The following MCUR1 variants were observed in gnomAD, a reference collection of about 807,000 sequenced individuals.
MCUR1 encodes mitochondrial calcium uniporter regulator 1, also known as MCU regulator 1.
MCUR1 carries 37 observed loss-of-function variants against 42.0 expected under a neutral mutation model. That is an observed-to-expected ratio of 0.88 (90% CI 0.68 to 1.16). The LOEUF is 1.16. Among genes scored for constraint, MCUR1 ranks in the 50% most tolerant of loss-of-function variants. MCUR1 has a pLI of 0.00. For synonymous variants in MCUR1, 229 were observed against 196.2 expected, an observed-to-expected ratio of 1.17 and a Z score of -1.40; for missense variants, 469 against 468.4, an observed-to-expected ratio of 1.00 and a Z score of -0.01.
intron 6 of MCUR1, among the ~76,000 whole-genome samples, chr6:13,796,802 C>T (rs1364935466): frequency 6.6e-6 from 1 of 152,028 alleles, no homozygotes; most frequent in Non-Finnish European, 1.5e-5. Context: ...ACATTCATGC[C>T]CTGTATTTCC....
Position 13,790,761 on chromosome 6 carries a change from G to A in MCUR1, c.*48C>T, listed in dbSNP as rs1029602545. On this transcript the variant is annotated 3_prime_UTR_variant, in exon 9 of 9. Transcript: ENST00000379170. The stretch of plus-strand genomic sequence containing the variant: ...AGCCACCGCACCCAGCCAACAATCT[G>A]GTATTCTTAAGGCAAAACAGTAGAA... 4 of 1,477,792 alleles carry A rather than the reference G, an allele frequency of 2.7e-6. No individual in the cohort carries two copies. The highest frequency in any genetic ancestry group is 2.8e-6 in the Non-Finnish European group (3 of 1,064,518). The allele number at this position is 1,477,792 out of a possible 1,614,324, so 91.5% of individuals were successfully genotyped here. A position where few individuals can be genotyped will look rare whatever the true frequency, so the allele number is the denominator to read the frequency against.
intron 2 of MCUR1, among the ~76,000 whole-genome samples, chr6:13,802,570 T>C (rs918725995): frequency 1.3e-5 from 2 of 152,136 alleles, no homozygotes; most frequent in African/African-American, 4.8e-5. Context: ...TGCTGACTGA[T>C]CTGTAAGTCG....
Position 13,814,540 on chromosome 6 carries a change from G to T in MCUR1, c.-111C>A. 4 of 1,174,716 alleles carry T rather than the reference G, an allele frequency of 3.4e-6. No individual in the cohort carries two copies. The highest frequency in any genetic ancestry group is 3.2e-6 in the Non-Finnish European group (3 of 932,964). The allele number at this position is 1,174,716 out of a possible 1,614,324, so 72.8% of individuals were successfully genotyped here. A position where few individuals can be genotyped will look rare whatever the true frequency, so the allele number is the denominator to read the frequency against. On this transcript the variant is annotated 5_prime_UTR_variant, in exon 1 of 9. Coordinates refer to ENST00000379170, the MANE Select transcript of MCUR1 (RefSeq NM_001031713.4). ...AGCGGGAGCGAGCGTGGGCCACAGCGCAGGACCGCCCTTTCCTGCCGGGCG... is the reference window on the plus strand; with the variant it reads ...AGCGGGAGCGAGCGTGGGCCACAGCTCAGGACCGCCCTTTCCTGCCGGGCG...
At chr6:13,791,846 A>C in intron 8 of MCUR1, 32 bp downstream of exon 8, 2 of 1,436,322 alleles carry the variant, frequency 1.4e-6, no homozygotes, top group East Asian at 4.6e-5. Context: ...TTTTCTTTTC[A>C]GGTTGATTTA....
intron 4 of MCUR1, 40 bp from the exon 5 acceptor site, chr6:13,800,422 A>G: frequency 2.5e-6 from 3 of 1,189,718 alleles, no homozygotes; most frequent in East Asian, 4.8e-5. Flanking sequence ...AAAGAACAAC[A>G]TAAAACGTAG....
intron 6 of MCUR1, among the ~76,000 whole-genome samples, 184 bp from the exon 7 acceptor site, chr6:13,794,131 T>C (rs1044146703): frequency 2.0e-5 from 3 of 151,856 alleles, no homozygotes; most frequent in African/African-American, 7.3e-5. Context: ...TTTTTTTTTT[T>C]CCATAGAGAT....
intron 1 of MCUR1, among the ~76,000 whole-genome samples, chr6:13,807,322 G>T (rs904119182): frequency 9.9e-5 from 15 of 151,848 alleles, no homozygotes; most frequent in African/African-American, 3.6e-4. Flanking sequence ...CTTCTCAACT[G>T]CCCCCAACCA....
At position 13,801,409 on chromosome 6, in the gene MCUR1, A is replaced by G; in HGVS notation, c.640-20T>C. The G allele has an allele frequency of 6.5e-7, 1 of 1,542,950 alleles. No homozygotes were observed. ...GATTTCCTAGGAAAAGAAAAACAAA[A>G]CACATAATCTAGTCTACCCTAAAAA... is the stretch of plus-strand genomic sequence containing the variant. On this transcript the variant is annotated intron_variant, in intron 3 of 8. Transcript: ENST00000379170.
rs1488104560 is a variant in MCUR1, at chr6:13,802,734, CTTCT to C, written c.536-392_536-389del. ...AAAAATTCATAGTCATTTTTATTTT[CTTCT>C]TTATGTTTCTCTGCATTATGTAGAT... On this transcript the variant is annotated intron_variant, in intron 2 of 8. Transcript: ENST00000379170. Among the ~76,000 whole-genome samples, 7 of 151,924 alleles carry C rather than the reference CTTCT, an allele frequency of 4.6e-5. No individual in the cohort carries two copies. The East Asian group carries it at 1.2e-3, about 25-fold the overall frequency.
intron 4 of MCUR1, among the ~76,000 whole-genome samples, chr6:13,800,757 A>G (rs960914255): frequency 1.2e-4 from 18 of 152,260 alleles, no homozygotes; most frequent in African/African-American, 4.1e-4. Context: ...GCTAGGGTCA[A>G]CAGGCAATAA....
At chr6:13,801,511 T>C (rs1759989102) in intron 3 of MCUR1, 122 bp from the exon 4 acceptor site, 1 of 657,440 alleles carries the variant, frequency 1.5e-6, no homozygotes, top group African/African-American at 1.8e-5. Context: ...AGAGGTTCAG[T>C]AGGGTCATCC....
In MCUR1 at chr6:13,810,452, T is replaced by C. The variant is rs140151079; in HGVS notation, c.416-3408A>G. ...TAATTTTGCCGTTAACTGGCACCAG[T>C]CTGAGGTCTGGTGTTGTAGAAGTCT... On this transcript the variant is annotated intron_variant, in intron 1 of 8. Coordinates refer to ENST00000379170, the MANE Select transcript of MCUR1 (RefSeq NM_001031713.4). Among the ~76,000 whole-genome samples the C allele has an allele frequency of 1.6e-4, 25 of 152,236 alleles. No individual in the cohort carries two copies. In the East Asian group the frequency reaches 4.8e-3, roughly 29 times the overall value.
chr6:13,797,958 G>C (rs139458350), intron 6 of MCUR1, among the ~76,000 whole-genome samples: 1,771 of 152,056 alleles, frequency 0.012, 39 homozygotes, highest in African/African-American at 0.04. Context: ...AGGAGACGGA[G>C]GTTGCAGTGG....
chr6:13,814,155 C>T lies in MCUR1; in HGVS notation c.275G>A (p.Trp92Ter), dbSNP rs1222375529. 5.3e-6 allele frequency: 7 copies of T among 1,322,742 alleles called. No individual in the cohort carries two copies. The highest frequency in any genetic ancestry group is 3.1e-5 in the African/African-American group (2 of 64,670). The allele number at this position is 1,322,742 out of a possible 1,614,324, so 81.9% of individuals were successfully genotyped here. ...GGCATACCCGAGGCGCGAGCGCTCC[C>T]AGTCCCCGAGCTGCCGGCGCGGGGC... ...AAAPRRQLGD[W>*]ERSRLGYAAP... Residue 92 changes from tryptophan (W) to a stop codon, truncating the protein, a stop_gained, in exon 1 of 9, where the codon TGG (tryptophan) becomes TAG (stop). Coordinates refer to ENST00000379170, the MANE Select transcript of MCUR1 (RefSeq NM_001031713.4). LOFTEE classifies it high-confidence loss of function.
chr6:13,795,336 A>G (rs1229369640), intron 6 of MCUR1, among the ~76,000 whole-genome samples: 1 of 152,130 alleles, frequency 6.6e-6, no homozygotes, highest in Non-Finnish European at 1.5e-5. Context: ...CATTAACTCA[A>G]CATTGACTCA....
At position 13,788,332 on chromosome 6, in the gene MCUR1, A is replaced by AG. The variant is rs1759647803; in HGVS notation, c.*2476dup. The stretch of plus-strand genomic sequence containing the variant: ...CACAGTCCTGAGCCCTCCTCTCTCC[A>AG]GATATGCATGCAATCCACACCATCA... On this transcript the variant is annotated 3_prime_UTR_variant, in exon 9 of 9. Transcript: ENST00000379170. The AG allele has an allele frequency of 2.6e-5, 4 of 152,270 alleles. No homozygotes were observed. Among genetic ancestry groups the AG allele is most frequent in the Admixed American group, 2.6e-4 (4 of 15,282 alleles). The allele number at this position is 152,270 out of a possible 1,614,324, so 9.4% of individuals were successfully genotyped here. A position where few individuals can be genotyped will look rare whatever the true frequency, so the allele number is the denominator to read the frequency against.
chr6:13,790,856 AT>A lies in MCUR1; in HGVS notation c.1032del (p.Phe345LeufsTer4). The A allele has an allele frequency of 6.2e-7, 1 of 1,610,296 alleles. No homozygotes were observed. The highest frequency in any genetic ancestry group is 1.1e-5 in the South Asian group (1 of 90,908). On this transcript the variant is annotated frameshift_variant, in exon 9 of 9. Transcript: ENST00000379170. LOFTEE classifies it high-confidence loss of function. ...LDNIKYLAGS[I>X]FTCLTVALGF... ...CCCAGAGCTACTGTTAGGCACGTAA[AT>A]ATAGACCCTGTAAGAAAAAAACAAT...
At chr6:13,811,776 TTA>T (rs1760240021) in intron 1 of MCUR1, among the ~76,000 whole-genome samples, 1 of 152,100 alleles carries the variant, frequency 6.6e-6, no homozygotes, top group Non-Finnish European at 1.5e-5. Context: ...ATTCATGTAT[TTA>T]AAACATAACC....
intron 2 of MCUR1, among the ~76,000 whole-genome samples, chr6:13,804,790 C>CAAAAA (rs971958696): frequency 1.2e-4 from 6 of 50,446 alleles, no homozygotes; most frequent in East Asian, 6.0e-4. Context: ...ACTCTGTCTC[C>CAAAAA]AAAAAAAAAA....
Sources: allele counts gnomAD v4.1 joint callset (sites outside exome capture counted in the v4.1 genomes callset), GRCh38; gene constraint gnomAD v4.1.1; transcripts MANE v1.5; gene names NCBI Gene and HGNC (gene_info 2026-07-23, HGNC 2026-07-21).